CNTN4: variants seen among roughly 807,000 people sequenced by gnomAD.
CNTN4 encodes contactin 4, also known as contactin-4.
In CNTN4, 77 loss-of-function variants were observed where a neutral mutation model predicts 122.5. The observed-to-expected ratio is 0.63, with a 90% confidence interval of 0.52 to 0.76. The LOEUF is 0.76. CNTN4 is among the 30% of genes least tolerant of loss of function. The pLI, the probability that CNTN4 is intolerant of heterozygous loss-of-function variation, is 0.00. For missense variants in CNTN4, 1,256 were observed against 1,259.1 expected (o/e 1.00, Z 0.04); for synonymous variants, 512 against 447.0 (o/e 1.15, Z -1.83).
At chr3:2,750,083 C>G (rs1186764658) in intron 6 of CNTN4, among the ~76,000 whole-genome samples, 1 of 152,082 alleles carries the variant, frequency 6.6e-6, no homozygotes, top group Non-Finnish European at 1.5e-5. Context: ...TGGCCTGTAT[C>G]TTTTTAAAAA....
chr3:2,927,174 C>T (rs2094480739), intron 13 of CNTN4: 1 of 304,704 alleles, frequency 3.3e-6, no homozygotes, highest in Non-Finnish European at 6.6e-6. Context: ...TGTCAAAAAT[C>T]ATGAATGAAT....
intron 3 of CNTN4, among the ~76,000 whole-genome samples, chr3:2,523,387 A>G (rs961001534): frequency 1.4e-5 from 2 of 147,006 alleles, no homozygotes; most frequent in African/African-American, 5.0e-5. Flanking sequence ...ACTTTTTTCT[A>G]TTTGTGACAT....
chr3:2,969,516 G>GATTCTTATTATTATTATT, intron 13 of CNTN4, among the ~76,000 whole-genome samples: 1 of 121,464 alleles, frequency 8.2e-6, no homozygotes, highest in East Asian at 2.0e-4. Context: ...GGAAAATTGG[G>GATTCTTATTATTATTATT]ATTATTATTA....
chr3:3,024,509 T>TAGAA (rs1390935560), intron 14 of CNTN4, among the ~76,000 whole-genome samples: 1 of 152,026 alleles, frequency 6.6e-6, no homozygotes, highest in Admixed American at 6.6e-5. Context: ...AGGGGTTTTC[T>TAGAA]ATCCCATTAC....
intron 3 of CNTN4, among the ~76,000 whole-genome samples, chr3:2,483,715 T>C (rs1434487632): frequency 6.6e-6 from 1 of 152,156 alleles, no homozygotes; most frequent in African/African-American, 2.4e-5. Flanking sequence ...GCATGCATTT[T>C]CTCTCCTGCC....
rs1701807616 is a variant in CNTN4, at chr3:3,056,465, A to C, written c.*245A>C. ...ATCTGTAATATGATGTTACCAAAGC[A>C]GTTTACATATGTCCTTATATGCATA... On this transcript the variant is annotated 3_prime_UTR_variant, in exon 25 of 25. Coordinates refer to ENST00000418658, the MANE Select transcript of CNTN4 (RefSeq NM_175607.3). The C allele has an allele frequency of 7.5e-6, 3 of 400,374 alleles. No individual in the cohort carries two copies. The highest frequency in any genetic ancestry group is 1.4e-5 in the Non-Finnish European group (3 of 218,638). The allele number at this position is 400,374 out of a possible 1,614,324, so 24.8% of individuals were successfully genotyped here.
At chr3:2,583,362 T>G (rs1210822828) in intron 4 of CNTN4, among the ~76,000 whole-genome samples, 11 of 152,230 alleles carry the variant, frequency 7.2e-5, no homozygotes, top group African/African-American at 2.7e-4. Flanking sequence ...AAAAGATTAA[T>G]TCATTTGCCC....
chr3:2,459,227 C>A (rs1051819441), intron 3 of CNTN4, among the ~76,000 whole-genome samples: 4 of 152,112 alleles, frequency 2.6e-5, no homozygotes, highest in Admixed American at 2.6e-4. Context: ...GTTCCTTTGG[C>A]AATTTGAATG....
intron 2 of CNTN4, among the ~76,000 whole-genome samples, chr3:2,222,817 C>T (rs1458706290): frequency 1.3e-5 from 2 of 152,066 alleles, no homozygotes; most frequent in Non-Finnish European, 2.9e-5. Context: ...GTCAGATTGT[C>T]ATTCTGTCAT....
chr3:2,849,145 G>A (rs1030654307), intron 7 of CNTN4, among the ~76,000 whole-genome samples: 3 of 152,192 alleles, frequency 2.0e-5, no homozygotes, highest in Non-Finnish European at 4.4e-5. Flanking sequence ...ACATGAGCAG[G>A]ATTCAAGAAA....
intron 3 of CNTN4, among the ~76,000 whole-genome samples, chr3:2,510,788 C>G (rs896518879): frequency 1.3e-5 from 2 of 152,146 alleles, no homozygotes; most frequent in Non-Finnish European, 2.9e-5. Context: ...AGCATGTCCA[C>G]AGGCTACTGG....
At chr3:2,177,769 A>G (rs769827500) in intron 2 of CNTN4, among the ~76,000 whole-genome samples, 3 of 151,832 alleles carry the variant, frequency 2.0e-5, no homozygotes, top group Non-Finnish European at 4.4e-5. Flanking sequence ...TAAGGAGAAT[A>G]ATCTCCTTTA....
intron 2 of CNTN4, among the ~76,000 whole-genome samples, chr3:2,330,480 G>T (rs546325652): frequency 6.6e-6 from 1 of 152,218 alleles, no homozygotes; most frequent in South Asian, 2.1e-4. Flanking sequence ...TTATCACTTT[G>T]GAGATTCCAG....
At chr3:2,347,560 T>A (rs916709136) in intron 3 of CNTN4, among the ~76,000 whole-genome samples, 10 of 151,876 alleles carry the variant, frequency 6.6e-5, no homozygotes, top group African/African-American at 2.4e-4. Context: ...CAGGTGCCCA[T>A]CATCACACCC....
At chr3:2,481,055 T>TTCTTTCTTTCTTTCTCTCTTTCTC (rs1213100693) in intron 3 of CNTN4, among the ~76,000 whole-genome samples, 6 of 134,798 alleles carry the variant, frequency 4.5e-5, no homozygotes, top group Admixed American at 1.5e-4. Flanking sequence ...CTTTCTTTCT[T>TTCTTTCTTTCTTTCTCTCTTTCTC]TCTTTCTCTC....
At chr3:3,006,865 T>C (rs1377669692) in intron 14 of CNTN4, among the ~76,000 whole-genome samples, 1 of 152,196 alleles carries the variant, frequency 6.6e-6, no homozygotes, top group Non-Finnish European at 1.5e-5. Context: ...GTCAAACATC[T>C]AAGAGCTCCT....
chr3:2,716,369 C>T (rs1473229424), intron 4 of CNTN4, among the ~76,000 whole-genome samples: 1 of 151,078 alleles, frequency 6.6e-6, no homozygotes, highest in Non-Finnish European at 1.5e-5. Context: ...ATTTATCTTA[C>T]AAGATTGTTT....
chr3:2,499,451 T>C (rs2076538277), intron 3 of CNTN4, among the ~76,000 whole-genome samples: 2 of 152,192 alleles, frequency 1.3e-5, no homozygotes, highest in Admixed American at 1.3e-4. Context: ...TCTATAATTA[T>C]TGAATTTACT....
chr3:2,551,326 G>T (rs2078495131), intron 3 of CNTN4, among the ~76,000 whole-genome samples: 1 of 152,062 alleles, frequency 6.6e-6, no homozygotes, highest in Non-Finnish European at 1.5e-5. Flanking sequence ...AATGTTATAT[G>T]AATGTCAGGA....
Sources: gnomAD v4.1 joint callset for allele counts (sites outside exome capture counted in the v4.1 genomes callset) on GRCh38, gnomAD v4.1.1 for gene constraint, MANE v1.5 for transcripts, NCBI Gene and HGNC (gene_info 2026-07-23, HGNC 2026-07-21) for gene names.